ZNF407: variants seen among roughly 807,000 people sequenced by gnomAD.
The protein encoded by ZNF407 is zinc finger protein 407.
A neutral mutation model predicts 131.2 loss-of-function variants in ZNF407; 17 were observed. The ratio of observed to expected loss-of-function variants is 0.13; its 90% CI spans 0.09 to 0.19. The LOEUF (loss-of-function observed/expected upper bound fraction) is 0.19, where lower values mean the gene tolerates loss of function less well. ZNF407 is among the 10% of genes least tolerant of loss of function. The pLI, the probability that ZNF407 is intolerant of heterozygous loss-of-function variation, is 1.00. For synonymous variants in ZNF407, 1,156 were observed against 1,062.0 expected (o/e 1.09, Z -1.72); for missense variants, 2,681 against 2,830.6 (o/e 0.95, Z 1.20).
At chr18:74,968,310 A>G (rs1299013436) in intron 8 of ZNF407, among the ~76,000 whole-genome samples, 1 of 152,146 alleles carries the variant, frequency 6.6e-6, no homozygotes, top group African/African-American at 2.4e-5. Flanking sequence ...GTAGCCTTGA[A>G]TATAGTTTTT....
intron 3 of ZNF407, among the ~76,000 whole-genome samples, chr18:74,672,246 G>C (rs1051844747): frequency 3.3e-5 from 5 of 152,144 alleles, no homozygotes; most frequent in Non-Finnish European, 5.9e-5. Context: ...ACAGTTATTT[G>C]ACTGATGTGA....
chr18:74,826,898 T>C (rs1436245570), intron 4 of ZNF407, among the ~76,000 whole-genome samples: 1 of 152,252 alleles, frequency 6.6e-6, no homozygotes, highest in Non-Finnish European at 1.5e-5. Context: ...TGAATGTTTT[T>C]AGACTTTGTA....
At chr18:74,939,459 G>A (rs1972073564) in intron 8 of ZNF407, among the ~76,000 whole-genome samples, 2 of 152,256 alleles carry the variant, frequency 1.3e-5, no homozygotes, top group South Asian at 4.1e-4. Context: ...ACAGATAACA[G>A]GATTAATATG....
chr18:74,649,014 T>C (rs1599040207), intron 3 of ZNF407, among the ~76,000 whole-genome samples: 1 of 152,362 alleles, frequency 6.6e-6, no homozygotes, highest in East Asian at 1.9e-4. Context: ...CTGTCTCCTC[T>C]TTCCCCTGCC....
intron 3 of ZNF407, among the ~76,000 whole-genome samples, chr18:74,673,406 CT>C (rs894640821): frequency 4.3e-4 from 65 of 152,312 alleles, no homozygotes; most frequent in African/African-American, 1.5e-3. Flanking sequence ...CTAGGGTCCC[CT>C]GAAATCTCTC....
At chr18:74,780,850 TAAGA>T (rs1376649983) in intron 3 of ZNF407, among the ~76,000 whole-genome samples, 4 of 152,160 alleles carry the variant, frequency 2.6e-5, no homozygotes, top group African/African-American at 7.2e-5. Context: ...GTGTATAAAA[TAAGA>T]TAGTATGTCA....
chr18:74,686,706 C>G (rs78953175), intron 3 of ZNF407, among the ~76,000 whole-genome samples: 1 of 152,126 alleles, frequency 6.6e-6, no homozygotes, highest in South Asian at 2.1e-4. Flanking sequence ...GTTTCTAACT[C>G]TGTAGTCATT....
chr18:74,721,611 A>G (rs1290164275), intron 3 of ZNF407, among the ~76,000 whole-genome samples: 1 of 152,186 alleles, frequency 6.6e-6, no homozygotes, highest in African/African-American at 2.4e-5. Flanking sequence ...TTTATTTTCA[A>G]AATATTTGTC....
chr18:74,771,424 G>A (rs955420052), intron 3 of ZNF407, among the ~76,000 whole-genome samples: 1 of 151,986 alleles, frequency 6.6e-6, no homozygotes, highest in Non-Finnish European at 1.5e-5. Flanking sequence ...AGAGAAGTAG[G>A]TGAGAAAAAT....
intron 8 of ZNF407, among the ~76,000 whole-genome samples, chr18:75,034,185 G>C (rs1053805046): frequency 6.6e-5 from 10 of 151,736 alleles, no homozygotes; most frequent in African/African-American, 2.4e-4. Flanking sequence ...GTTGACTGAT[G>C]GTTAAGCATA....
chr18:75,016,348 G>C (rs770287025), intron 8 of ZNF407, among the ~76,000 whole-genome samples: 7 of 151,936 alleles, frequency 4.6e-5, no homozygotes, highest in Non-Finnish European at 1.0e-4. Context: ...ACAATTACTT[G>C]TTATTTTATA....
At chr18:74,804,377 C>A in intron 4 of ZNF407, 1 of 1,030,018 alleles carries the variant, frequency 9.7e-7, no homozygotes, top group Non-Finnish European at 1.2e-6. Context: ...GTAAGCATGC[C>A]ATGTGACAAA....
intron 1 of ZNF407, among the ~76,000 whole-genome samples, chr18:74,629,253 G>T (rs899429071): frequency 6.6e-6 from 1 of 152,104 alleles, no homozygotes; most frequent in East Asian, 1.9e-4. Context: ...CTATCTTAGT[G>T]GGTTTGAAAT....
intron 1 of ZNF407, among the ~76,000 whole-genome samples, chr18:74,607,563 C>T (rs958192966): frequency 3.0e-4 from 46 of 151,948 alleles, no homozygotes; most frequent in African/African-American, 6.0e-4. Flanking sequence ...CTGTTTGTCA[C>T]GACCACTGGC....
chr18:74,763,128 A>G (rs1456121889), intron 3 of ZNF407, among the ~76,000 whole-genome samples: 6 of 149,166 alleles, frequency 4.0e-5, no homozygotes, highest in Admixed American at 4.0e-4. Context: ...TTTTTATTAG[A>G]TAAGTAGAGG....
At chr18:75,001,675 C>A (rs1019090411) in intron 8 of ZNF407, among the ~76,000 whole-genome samples, 2 of 152,190 alleles carry the variant, frequency 1.3e-5, no homozygotes, top group Non-Finnish European at 2.9e-5. Context: ...GTATTTCTGT[C>A]AATTCGCATG....
intron 2 of ZNF407, among the ~76,000 whole-genome samples, chr18:74,639,089 A>G (rs1005795747): frequency 6.6e-6 from 1 of 152,204 alleles, no homozygotes; most frequent in African/African-American, 2.4e-5. Flanking sequence ...TATTGTCAGC[A>G]TGCTGTGCTG....
In ZNF407 at chr18:75,021,636, A is replaced by C. The variant is rs575568782; in HGVS notation, c.5429-41514A>C. Among the ~76,000 whole-genome samples, 7 of 152,246 alleles carry C rather than the reference A, an allele frequency of 4.6e-5. No homozygotes were observed. The South Asian group carries it at 1.2e-3, about 27-fold the overall frequency. On this transcript the variant is annotated intron_variant, in intron 8 of 8. Transcript: ENST00000299687. Reference sequence around the variant, plus strand: ...GGGAAATATTATTTAATATTTAATAAATTTTGTGAGACTTACTAGGATAGC... The same window carrying C: ...GGGAAATATTATTTAATATTTAATACATTTTGTGAGACTTACTAGGATAGC...
At chr18:74,776,012 C>T (rs374582665) in intron 3 of ZNF407, among the ~76,000 whole-genome samples, 1 of 152,178 alleles carries the variant, frequency 6.6e-6, no homozygotes, top group Non-Finnish European at 1.5e-5. Flanking sequence ...TTTAACATTG[C>T]GGATTGCAAT....
Sources: allele counts gnomAD v4.1 joint callset (sites outside exome capture counted in the v4.1 genomes callset), GRCh38; gene constraint gnomAD v4.1.1; transcripts MANE v1.5; gene names NCBI Gene and HGNC (gene_info 2026-07-23, HGNC 2026-07-21).